The following BLM variants were observed in gnomAD, a reference collection of about 807,000 sequenced individuals.
BLM encodes BLM RecQ like helicase, also known as recQ-like DNA helicase BLM.
A neutral mutation model predicts 135.3 loss-of-function variants in BLM; 95 were observed. The ratio of observed to expected loss-of-function variants is 0.70; its 90% CI spans 0.59 to 0.83. BLM has a LOEUF of 0.83. Among genes scored for constraint, BLM ranks in the 40% least tolerant of loss-of-function variants. The pLI is 0.00. For missense variants in BLM, 1,518 were observed against 1,663.9 expected, an observed-to-expected ratio of 0.91 and a Z score of 1.53; for synonymous variants, 520 against 589.2, an observed-to-expected ratio of 0.88 and a Z score of 1.70.
At chr15:90,748,438 G>A (rs1370079836) in intron 2 of BLM, among the ~76,000 whole-genome samples, 2 of 152,212 alleles carry the variant, frequency 1.3e-5, no homozygotes, top group East Asian at 1.9e-4. Flanking sequence ...ATATACTTTC[G>A]AAGAACAGTT....
At chr15:90,776,720 C>T (rs976010222) in intron 12 of BLM, among the ~76,000 whole-genome samples, 31 of 151,780 alleles carry the variant, frequency 2.0e-4, no homozygotes, top group African/African-American at 7.3e-4. Flanking sequence ...TTGTTTTTTT[C>T]GTAGAGACGG....
In BLM at chr15:90,749,390, C is replaced by T. The variant is rs533736036; in HGVS notation, c.122C>T (p.Thr41Ile). The change falls in exon 3 of 22, where the codon ACA (threonine) becomes ATA (isoleucine). Residue 41 changes from threonine (T) to isoleucine (I), a missense_variant. Physicochemically the swap from Thr to Ile is moderately conservative, Grantham distance 89. Coordinates refer to ENST00000355112, the MANE Select transcript of BLM (RefSeq NM_000057.4). ...KFSGFTFKKK[T>I]SSDNNVSVTN... is the part of the protein sequence containing the mutation. ...AGAGGTTTCACTTTTAAAAAGAAAA[C>T]ATCTTCAGATAACAATGTATCTGTA... is the stretch of plus-strand genomic sequence containing the variant. 2.5e-6 allele frequency: 4 copies of T among 1,604,568 alleles called. No homozygotes were observed. The African/African-American group carries it at 5.4e-5, about 21-fold the overall frequency.
At chr15:90,789,087 A>T (rs900376100) in intron 14 of BLM, among the ~76,000 whole-genome samples, 16 of 151,914 alleles carry the variant, frequency 1.1e-4, no homozygotes, top group Non-Finnish European at 1.5e-4. Context: ...ATATGGTTAA[A>T]CAATAGGGGT....
rs77891053 is a variant in BLM at position 90,742,252 on chromosome 15, T to C, written c.-4-5137T>C. ...CGTTCTTAGTTAGGCTCACCACCTT[T>C]GCCCCAGGGAAAGTAACTCCTCCCC... On this transcript the variant is annotated intron_variant, in intron 1 of 21. Transcript: ENST00000355112. Among the ~76,000 whole-genome samples the C allele has an allele frequency of 6.8e-3, 1,039 of 152,252 alleles. 12 individuals are homozygous for C. The highest frequency in any genetic ancestry group is 0.024 in the African/African-American group (1,003 of 41,524).
intron 21 of BLM, among the ~76,000 whole-genome samples, 195 bp from the exon 22 acceptor site, chr15:90,814,907 A>C (rs965929662): frequency 6.6e-6 from 1 of 152,200 alleles, no homozygotes; most frequent in South Asian, 2.1e-4. Flanking sequence ...GAACAAATTT[A>C]TATGAAGGGC....
chr15:90,775,360 A>G (rs56364330), intron 12 of BLM, among the ~76,000 whole-genome samples: 13,902 of 152,026 alleles, frequency 0.091, 1,123 homozygotes, highest in African/African-American at 0.22. Flanking sequence ...TGACCACGAT[A>G]GCCATCTTCA....
intron 21 of BLM, 23 bp downstream of exon 21, chr15:90,811,429 CA>C: frequency 6.2e-7 from 1 of 1,610,554 alleles, no homozygotes; most frequent in Non-Finnish European, 8.5e-7. Context: ...ACATCTTTTT[CA>C]ATATAGGGAA....
In BLM at chr15:90,741,955, G is replaced by A. The variant is rs144484224; in HGVS notation, c.-4-5434G>A. Among the ~76,000 whole-genome samples, 549 of 152,198 alleles carry A rather than the reference G, an allele frequency of 3.6e-3. 7 individuals are homozygous for A. Among genetic ancestry groups the A allele is most frequent in the African/African-American group, 0.013 (523 of 41,540 alleles). ...GTGTTTTAATGTGTTTGTTAGACAT[G>A]GTTTGAGTTTTATTAGGTGCCTTTT... On this transcript the variant is annotated intron_variant, in intron 1 of 21. Transcript: ENST00000355112.
At position 90,816,080 on chromosome 15, in the gene BLM, C is replaced by CAAAAAA. The variant is rs34940723; in HGVS notation, c.*815_*820dup. ...TGGGTGACAGAGCAAGACTCCGTCT[C>CAAAAAA]AAAAAAAAAAAAAAAAAAAGAAATA... On this transcript the variant is annotated 3_prime_UTR_variant, in exon 22 of 22. Transcript: ENST00000355112. 2.1e-5 allele frequency: 2 copies of CAAAAAA among 96,488 alleles called. No homozygotes were observed. Among genetic ancestry groups the CAAAAAA allele is most frequent in the Non-Finnish European group, 2.1e-5 (1 of 47,550 alleles). 6.0% of individuals were successfully genotyped at this position (96,488 alleles called of 1,614,324 possible).
chr15:90,752,066 T>A, intron 4 of BLM, 120 bp downstream of exon 4: 1 of 1,008,704 alleles, frequency 9.9e-7, no homozygotes. Context: ...TTATTTTACA[T>A]TCAAGTGAAA....
At chr15:90,774,470 A>T (rs1401909754) in intron 12 of BLM, among the ~76,000 whole-genome samples, 6 of 152,058 alleles carry the variant, frequency 3.9e-5, no homozygotes, top group African/African-American at 1.5e-4. Flanking sequence ...TTACAGCTAT[A>T]TGAAGTGGTA....
intron 17 of BLM, among the ~76,000 whole-genome samples, chr15:90,799,854 A>C (rs1596264681): frequency 6.6e-6 from 1 of 152,140 alleles, no homozygotes; most frequent in South Asian, 2.1e-4. Flanking sequence ...GGCAGTTAGA[A>C]TGTGGGGCTT....
chr15:90,724,006 AATTGT>A (rs1327506892), intron 1 of BLM, among the ~76,000 whole-genome samples: 3 of 150,926 alleles, frequency 2.0e-5, no homozygotes, highest in Non-Finnish European at 4.4e-5. Context: ...TATTTAACTT[AATTGT>A]ATTGTATTTT....
chr15:90,766,245 G>A (rs3784780), intron 9 of BLM, among the ~76,000 whole-genome samples: 24,851 of 151,896 alleles, frequency 0.16, 2,130 homozygotes, highest in East Asian at 0.23. Context: ...TCATATTATG[G>A]CCCCTTCATT....
intron 15 of BLM, among the ~76,000 whole-genome samples, chr15:90,791,063 A>G (rs567675712): frequency 6.6e-6 from 1 of 152,360 alleles, no homozygotes; most frequent in South Asian, 2.1e-4. Flanking sequence ...TGTACAAGGC[A>G]GAAAATTTAC....
intron 12 of BLM, among the ~76,000 whole-genome samples, chr15:90,773,095 C>CAAAAAAA (rs780966709): frequency 6.7e-4 from 29 of 43,372 alleles, no homozygotes; most frequent in Admixed American, 8.8e-4. Flanking sequence ...GAGACTGTCT[C>CAAAAAAA]AAAAAAAAAA....
At chr15:90,758,180 G>A (rs1044919360) in intron 5 of BLM, among the ~76,000 whole-genome samples, 12 of 151,602 alleles carry the variant, frequency 7.9e-5, no homozygotes, top group Admixed American at 2.0e-4. Context: ...ATACCCAGGC[G>A]CAGCTGAGGT....
In BLM at chr15:90,745,868, G is replaced by A. The variant is rs1596214322; in HGVS notation, c.-4-1521G>A. On this transcript the variant is annotated intron_variant, in intron 1 of 21. Transcript: ENST00000355112. The stretch of plus-strand genomic sequence containing the variant: ...AGGTGGGAGAATGACTTGAGCTCAG[G>A]AGTTCGAGACCAGCCTAGTCAACAT... Among the ~76,000 whole-genome samples the A allele has an allele frequency of 3.9e-5, 6 of 152,302 alleles. 1 individual carries two copies. The highest frequency in any genetic ancestry group is 1.4e-4 in the African/African-American group (6 of 41,562).
intron 1 of BLM, among the ~76,000 whole-genome samples, chr15:90,745,590 C>A (rs1895479452): frequency 6.6e-6 from 1 of 151,934 alleles, no homozygotes; most frequent in Non-Finnish European, 1.5e-5. Context: ...TTTTATAGTT[C>A]TTTAGAGACA....
Sources: gnomAD v4.1 joint callset for allele counts (sites outside exome capture counted in the v4.1 genomes callset) on GRCh38, gnomAD v4.1.1 for gene constraint, MANE v1.5 for transcripts, NCBI Gene and HGNC (gene_info 2026-07-23, HGNC 2026-07-21) for gene names.